CFAP54: variants seen among roughly 807,000 people sequenced by gnomAD.
The protein encoded by CFAP54 is cilia- and flagella-associated protein 54.
CFAP54 carries 290 observed loss-of-function variants against 370.4 expected under a neutral mutation model. The observed-to-expected ratio is 0.78, with a 90% CI of 0.71 to 0.86. The LOEUF (loss-of-function observed/expected upper bound fraction) is 0.86. CFAP54 is among the 40% of genes least tolerant of loss of function. The pLI is 0.00. For missense variants in CFAP54, 3,399 were observed against 3,528.7 expected (o/e 0.96, Z 0.93); for synonymous variants, 1,206 against 1,236.5 (o/e 0.98, Z 0.52).
At chr12:96,844,443 G>A (rs537971609) in intron 66 of CFAP54, among the ~76,000 whole-genome samples, 76 of 152,254 alleles carry the variant, frequency 5.0e-4, no homozygotes, top group Admixed American at 2.6e-3. Flanking sequence ...TCCCCTTAGA[G>A]CCTCCAGAAG....
At chr12:96,837,843 A>G (rs1382335250) in intron 66 of CFAP54, among the ~76,000 whole-genome samples, 1 of 152,194 alleles carries the variant, frequency 6.6e-6, no homozygotes. Context: ...GAGGGCCCAC[A>G]GATTAGTGGG....
At chr12:96,542,884 C>T (rs879887929) in intron 14 of CFAP54, among the ~76,000 whole-genome samples, 14 of 152,144 alleles carry the variant, frequency 9.2e-5, no homozygotes, top group Admixed American at 2.6e-4. Flanking sequence ...AGTGGTTTCT[C>T]TCCTTCATAC....
intron 65 of CFAP54, among the ~76,000 whole-genome samples, chr12:96,822,509 C>G (rs892802960): frequency 6.6e-6 from 1 of 152,172 alleles, no homozygotes; most frequent in African/African-American, 2.4e-5. Flanking sequence ...TATGTGCAAA[C>G]TATTTCCAGG....
Position 96,651,583 on chromosome 12 carries a change from C to G in CFAP54, c.4873-5C>G, listed in dbSNP as rs376900303. ...GGGATCTTTTAAATTTTGTGTTTGT[C>G]ATAGGTTCTTGCTCATCGTGGTGGC... On this transcript the variant is annotated splice_region_variant and splice_polypyrimidine_tract_variant and intron_variant, in intron 35 of 67. Coordinates refer to ENST00000524981, the MANE Select transcript of CFAP54 (RefSeq NM_001306084.2). The G allele has an allele frequency of 9.6e-5, 155 of 1,611,746 alleles. No homozygotes were observed. The highest frequency in any genetic ancestry group is 1.0e-5 in the Non-Finnish European group (12 of 1,178,614).
At chr12:96,505,519 T>C (rs568788122) in intron 3 of CFAP54, among the ~76,000 whole-genome samples, 3,757 of 151,128 alleles carry the variant, frequency 0.025, 100 homozygotes, top group African/African-American at 0.068. Context: ...TTTTTTTTTT[T>C]TGAGACCGAG....
At chr12:96,864,589 C>T (rs1419485890) in intron 67 of CFAP54, among the ~76,000 whole-genome samples, 1 of 152,146 alleles carries the variant, frequency 6.6e-6, no homozygotes, top group African/African-American at 2.4e-5. Flanking sequence ...ATTGCCCCTT[C>T]CTGCCCCTTT....
At chr12:96,576,856 A>C in intron 20 of CFAP54, 95 bp downstream of exon 20, 1 of 1,038,138 alleles carries the variant, frequency 9.6e-7, no homozygotes, top group Non-Finnish European at 1.4e-6. Context: ...TAGGAACTGG[A>C]TAGTCTTATT....
intron 26 of CFAP54, among the ~76,000 whole-genome samples, chr12:96,618,031 C>G (rs919099231): frequency 2.7e-5 from 4 of 149,678 alleles, no homozygotes; most frequent in African/African-American, 9.8e-5. Context: ...CCTACTCCGA[C>G]CCCCAAAAAG....
At chr12:96,505,809 T>A (rs1955093565) in intron 3 of CFAP54, among the ~76,000 whole-genome samples, 1 of 151,534 alleles carries the variant, frequency 6.6e-6, no homozygotes, top group Non-Finnish European at 1.5e-5. Flanking sequence ...ATACTTTCAA[T>A]TCAGTGACCG....
At chr12:96,855,205 C>G (rs1252756653) in intron 66 of CFAP54, among the ~76,000 whole-genome samples, 1 of 152,160 alleles carries the variant, frequency 6.6e-6, no homozygotes, top group Non-Finnish European at 1.5e-5. Flanking sequence ...CACCAGGTCC[C>G]TCTCATGACA....
chr12:96,663,704 T>C, intron 38 of CFAP54, 126 bp from the exon 39 acceptor site: 1 of 651,878 alleles, frequency 1.5e-6, no homozygotes, highest in African/African-American at 1.8e-5. Flanking sequence ...TCTGCCAGCT[T>C]TTTTTGTAGC....
intron 27 of CFAP54, among the ~76,000 whole-genome samples, chr12:96,622,179 G>C (rs144328061): frequency 1.3e-5 from 2 of 151,950 alleles, no homozygotes; most frequent in Non-Finnish European, 2.9e-5. Flanking sequence ...TTCTTTATGA[G>C]ACTGCTAATT....
chr12:96,848,872 G>A (rs911975403), intron 66 of CFAP54, among the ~76,000 whole-genome samples: 1 of 152,228 alleles, frequency 6.6e-6, no homozygotes, highest in East Asian at 1.9e-4. Context: ...TGGCAGAGCT[G>A]TGGAAAAGCC....
intron 62 of CFAP54, among the ~76,000 whole-genome samples, chr12:96,790,328 C>T (rs1958676529): frequency 6.7e-6 from 1 of 149,740 alleles, no homozygotes. Context: ...TGTTTTATTT[C>T]TTTCAAAGAA....
intron 30 of CFAP54, 61 bp from the exon 31 acceptor site, chr12:96,630,032 C>T: frequency 4.2e-6 from 3 of 714,016 alleles, no homozygotes; most frequent in Non-Finnish European, 6.7e-6. Flanking sequence ...AGACATATTA[C>T]TTTGGGGTAG....
chr12:96,825,721 A>G (rs1208855803), intron 65 of CFAP54, among the ~76,000 whole-genome samples: 3 of 125,236 alleles, frequency 2.4e-5, no homozygotes, highest in Non-Finnish European at 4.6e-5. Context: ...TAGATTATAT[A>G]ATATATTATA....
intron 20 of CFAP54, among the ~76,000 whole-genome samples, chr12:96,579,569 T>G (rs953966342): frequency 6.6e-6 from 1 of 152,156 alleles, no homozygotes; most frequent in Admixed American, 6.5e-5. Context: ...TTGTATTTTT[T>G]TTAGAGGCAA....
chr12:96,516,886 C>T (rs1365705013), intron 5 of CFAP54, among the ~76,000 whole-genome samples: 2 of 152,160 alleles, frequency 1.3e-5, no homozygotes. Context: ...AATGAGGCTG[C>T]AGCGCCATCC....
At chr12:96,837,491 A>G (rs1201862593) in intron 66 of CFAP54, among the ~76,000 whole-genome samples, 1 of 150,988 alleles carries the variant, frequency 6.6e-6, no homozygotes, top group Non-Finnish European at 1.5e-5. Flanking sequence ...TTATCAAAAT[A>G]AATGTGTTAT....
Sources: allele counts gnomAD v4.1 joint callset (sites outside exome capture counted in the v4.1 genomes callset), GRCh38; gene constraint gnomAD v4.1.1; transcripts MANE v1.5; gene names NCBI Gene and HGNC (gene_info 2026-07-23, HGNC 2026-07-21).